The following ATL2 variants were observed in gnomAD, a reference collection of about 807,000 sequenced individuals.
ATL2 encodes atlastin GTPase 2, also known as atlastin-2.
Under a neutral mutation model 73.9 loss-of-function variants are expected in ATL2, and 31 were observed. That is an observed-to-expected ratio of 0.42 (90% CI 0.32 to 0.57). The LOEUF (loss-of-function observed/expected upper bound fraction) is 0.57, where lower values mean the gene tolerates loss of function less well. Among genes scored for constraint, ATL2 ranks in the 20% least tolerant of loss-of-function variants. The probability of loss-of-function intolerance (pLI) is 0.14; values close to 1 mark genes in which losing one functional copy is unlikely to be tolerated. For synonymous variants in ATL2, 291 were observed against 237.5 expected (o/e 1.23, Z -2.07); for missense variants, 738 against 702.6 (o/e 1.05, Z -0.57).
chr2:38,372,344 T>C (rs1005748844), intron 1 of ATL2, among the ~76,000 whole-genome samples: 7 of 152,152 alleles, frequency 4.6e-5, no homozygotes, highest in African/African-American at 1.7e-4. Context: ...AAGCATACAG[T>C]ATAACAATGA....
At chr2:38,311,968 T>TA (rs1667779339) in intron 7 of ATL2, among the ~76,000 whole-genome samples, 1 of 152,168 alleles carries the variant, frequency 6.6e-6, no homozygotes, top group Non-Finnish European at 1.5e-5. Context: ...GGAAATGCCT[T>TA]TCAAATAATC....
At chr2:38,301,803 G>C (rs938649514) in intron 9 of ATL2, among the ~76,000 whole-genome samples, 12 of 152,186 alleles carry the variant, frequency 7.9e-5, no homozygotes, top group African/African-American at 2.9e-4. Flanking sequence ...GCTGGGCTCA[G>C]AGCCAGTGGA....
intron 1 of ATL2, among the ~76,000 whole-genome samples, chr2:38,350,615 A>G (rs368399022): frequency 6.6e-6 from 1 of 152,202 alleles, no homozygotes; most frequent in South Asian, 2.1e-4. Flanking sequence ...TTTGGATGAT[A>G]ATGATGTGTT....
chr2:38,326,106 T>C (rs1668648174), intron 2 of ATL2, among the ~76,000 whole-genome samples: 1 of 151,996 alleles, frequency 6.6e-6, no homozygotes, highest in Non-Finnish European at 1.5e-5. Context: ...GATTTAACCA[T>C]AAGGTGGCAT....
intron 1 of ATL2, among the ~76,000 whole-genome samples, chr2:38,344,141 A>T (rs1212206105): frequency 6.6e-6 from 1 of 152,172 alleles, no homozygotes; most frequent in African/African-American, 2.4e-5. Flanking sequence ...TCATGTCAAC[A>T]GCACCTGTTT....
chr2:38,339,249 C>G (rs1669555857), intron 2 of ATL2, among the ~76,000 whole-genome samples: 2 of 151,866 alleles, frequency 1.3e-5, no homozygotes, highest in South Asian at 4.1e-4. Context: ...AAGGGAAAGG[C>G]TGAGAAACTC....
intron 9 of ATL2, among the ~76,000 whole-genome samples, chr2:38,306,882 G>A (rs1048734461): frequency 5.9e-5 from 9 of 152,174 alleles, no homozygotes; most frequent in African/African-American, 2.2e-4. Flanking sequence ...ACACAGTACT[G>A]GAAGTTGTAC....
intron 1 of ATL2, among the ~76,000 whole-genome samples, chr2:38,348,521 A>G (rs981594382): frequency 1.3e-5 from 2 of 152,270 alleles, no homozygotes; most frequent in Admixed American, 1.3e-4. Context: ...ACTCAAAAGT[A>G]ATAACTGCTA....
In ATL2 at chr2:38,377,153, C is replaced by A. The variant is rs1253319748; in HGVS notation, c.108G>T (p.Thr36=). The A allele has an allele frequency of 1.2e-6, 2 of 1,610,574 alleles. No individual in the cohort carries two copies. The highest frequency in any genetic ancestry group is 1.1e-5 in the South Asian group (1 of 90,912). ...PSAAVNHVSS[T]TSLGENYEDD... Reference sequence around the variant, plus strand: ...CTCGCTGGCCCGTACCTAGGGAGGTCGTGGACGAGACGTGGTTAACCGCGG... The same window carrying A: ...CTCGCTGGCCCGTACCTAGGGAGGTAGTGGACGAGACGTGGTTAACCGCGG... The change falls in exon 1 of 13, where the codon ACG becomes ACT. Residue 36 remains threonine (T), a synonymous_variant. Transcript: ENST00000378954.
At chr2:38,297,080 T>C (rs1666936401) in intron 12 of ATL2, among the ~76,000 whole-genome samples, 1 of 152,152 alleles carries the variant, frequency 6.6e-6, no homozygotes. Context: ...AGAATAAATA[T>C]CCAAACATAA....
chr2:38,340,584 G>C (rs941017020), intron 2 of ATL2, among the ~76,000 whole-genome samples: 1 of 146,802 alleles, frequency 6.8e-6, no homozygotes, highest in Non-Finnish European at 1.5e-5. Flanking sequence ...ATTGACTCAA[G>C]TCAACACTGA....
chr2:38,367,070 TCAG>T (rs1671371004), intron 1 of ATL2, among the ~76,000 whole-genome samples: 1 of 152,146 alleles, frequency 6.6e-6, no homozygotes, highest in South Asian at 2.1e-4. Context: ...TCCTGCAGCC[TCAG>T]CCTCCCAAAG....
chr2:38,350,034 T>C (rs1182503095), intron 1 of ATL2, among the ~76,000 whole-genome samples: 1 of 152,218 alleles, frequency 6.6e-6, no homozygotes, highest in African/African-American at 2.4e-5. Flanking sequence ...AAGAGAATTG[T>C]ATGTAAATTT....
chr2:38,349,201 C>CTGCT (rs1395940748), intron 1 of ATL2, among the ~76,000 whole-genome samples: 1 of 152,082 alleles, frequency 6.6e-6, no homozygotes, highest in African/African-American at 2.4e-5. Flanking sequence ...ATAAATCATG[C>CTGCT]TGCTATAAAG....
chr2:38,313,161 T>A lies in ATL2; in HGVS notation c.794A>T (p.Lys265Met), dbSNP rs774242359. 1 of 1,611,772 alleles carries A rather than the reference T, an allele frequency of 6.2e-7. No individual in the cohort carries two copies. The highest frequency in any genetic ancestry group is 1.3e-5 in the African/African-American group (1 of 74,854). ...GCATTAGGGTCTTACCTGTAATCTC[T>A]TTTCAAGAAATTGCTTTCCACCTTC... The part of the protein sequence containing the change: ...GLEGGKQFLE[K>M]RLQVKQNQHE... Residue 265 changes from lysine (K) to methionine (M), a missense_variant, in exon 7 of 13, where the codon AAG becomes ATG. Coordinates refer to ENST00000378954, the MANE Select transcript of ATL2 (RefSeq NM_001135673.4).
chr2:38,327,792 G>A (rs1330276916), intron 2 of ATL2, among the ~76,000 whole-genome samples: 5 of 152,088 alleles, frequency 3.3e-5, no homozygotes, highest in South Asian at 4.1e-4. Flanking sequence ...AAAACTTAGC[G>A]GGGCGTGGTG....
chr2:38,339,007 G>C (rs1669537312), intron 2 of ATL2, among the ~76,000 whole-genome samples: 1 of 152,156 alleles, frequency 6.6e-6, no homozygotes, highest in Non-Finnish European at 1.5e-5. Flanking sequence ...CCTGAGGTCA[G>C]GAGTTTGAGA....
chr2:38,315,348 AT>A lies in ATL2; in HGVS notation c.604-15del, dbSNP rs772413755. The stretch of plus-strand genomic sequence containing the variant: ...CAGATTATATACCTGTTGAAACAAA[AT>A]TTATTTTGTTTTTTATTAGTGTTTT... On this transcript the variant is annotated splice_polypyrimidine_tract_variant and intron_variant, in intron 4 of 12. Coordinates refer to ENST00000378954, the MANE Select transcript of ATL2 (RefSeq NM_001135673.4). 1 of 1,499,108 alleles carries A rather than the reference AT, an allele frequency of 6.7e-7. No individual in the cohort carries two copies. The highest frequency in any genetic ancestry group is 8.8e-7 in the Non-Finnish European group (1 of 1,133,914). The allele number at this position is 1,499,108 out of a possible 1,614,324, so 92.9% of individuals were successfully genotyped here.
At chr2:38,308,046 G>A (rs1667546868) in intron 9 of ATL2, among the ~76,000 whole-genome samples, 1 of 152,122 alleles carries the variant, frequency 6.6e-6, no homozygotes. Flanking sequence ...AACAGTTTGG[G>A]GGTTCCTCAA....
Sources: gnomAD v4.1 joint callset for allele counts (sites outside exome capture counted in the v4.1 genomes callset) on GRCh38, gnomAD v4.1.1 for gene constraint, MANE v1.5 for transcripts, NCBI Gene and HGNC (gene_info 2026-07-23, HGNC 2026-07-21) for gene names.